The following LDLRAD4 variants were observed in gnomAD, a reference collection of about 807,000 sequenced individuals.
The protein encoded by LDLRAD4 is low density lipoprotein receptor class A domain containing 4.
A neutral mutation model predicts 17.0 loss-of-function variants in LDLRAD4; 5 were observed. The ratio of observed to expected loss-of-function variants is 0.29; its 90% CI spans 0.15 to 0.62. The LOEUF (loss-of-function observed/expected upper bound fraction) is 0.62, where lower values mean the gene tolerates loss of function less well. Among genes scored for constraint, LDLRAD4 ranks in the 20% least tolerant of loss-of-function variants. LDLRAD4 has a pLI of 0.84. For synonymous variants in LDLRAD4, 168 were observed against 171.8 expected (o/e 0.98, Z 0.17); for missense variants, 340 against 424.7 (o/e 0.80, Z 1.75).
intron 2 of LDLRAD4, among the ~76,000 whole-genome samples, chr18:13,430,827 C>T (rs546762954): frequency 1.3e-5 from 2 of 152,222 alleles, no homozygotes; most frequent in Non-Finnish European, 2.9e-5. Context: ...CCAGCCCCCT[C>T]GCTGACGTCA....
chr18:13,395,906 C>T (rs916264386), intron 2 of LDLRAD4, among the ~76,000 whole-genome samples: 4 of 152,244 alleles, frequency 2.6e-5, no homozygotes, highest in South Asian at 2.1e-4. Flanking sequence ...AACTTCAGCC[C>T]TGCCACCTGC....
chr18:13,290,890 A>G (rs1184928456), intron 1 of LDLRAD4, among the ~76,000 whole-genome samples: 1 of 152,226 alleles, frequency 6.6e-6, no homozygotes, highest in Non-Finnish European at 1.5e-5. Flanking sequence ...TTTCAACCCC[A>G]GTGAACAGAC....
chr18:13,421,548 G>A (rs1417830060), intron 2 of LDLRAD4, among the ~76,000 whole-genome samples: 7 of 152,200 alleles, frequency 4.6e-5, no homozygotes, highest in African/African-American at 1.4e-4. Flanking sequence ...GCCCTGCCTG[G>A]GAGTCCTCAG....
At chr18:13,259,439 G>A (rs1172659425) in intron 1 of LDLRAD4, among the ~76,000 whole-genome samples, 5 of 152,268 alleles carry the variant, frequency 3.3e-5, no homozygotes, top group South Asian at 2.1e-4. Context: ...GCCTCTGAAA[G>A]TGCTGGGATT....
intron 4 of LDLRAD4, among the ~76,000 whole-genome samples, chr18:13,624,101 G>A (rs776876875): frequency 2.6e-5 from 4 of 152,252 alleles, no homozygotes; most frequent in South Asian, 4.1e-4. Context: ...AGGCAGTCCC[G>A]CAACAAAGAC....
chr18:13,421,866 C>A (rs888785260), intron 2 of LDLRAD4, among the ~76,000 whole-genome samples: 7 of 152,216 alleles, frequency 4.6e-5, no homozygotes, highest in Admixed American at 1.3e-4. Context: ...GGGCCTGGGG[C>A]TGGGGTGGGC....
At chr18:13,390,768 GCGCCA>G (rs2086214783) in intron 2 of LDLRAD4, among the ~76,000 whole-genome samples, 1 of 152,248 alleles carries the variant, frequency 6.6e-6, no homozygotes, top group South Asian at 2.1e-4. Context: ...ACTGTTGGGT[GCGCCA>G]GCACCTGCAG....
intron 1 of LDLRAD4, among the ~76,000 whole-genome samples, chr18:13,227,911 A>G (rs2145449939): frequency 6.6e-6 from 1 of 152,354 alleles, no homozygotes; most frequent in South Asian, 2.1e-4. Flanking sequence ...GAGTGGGGAC[A>G]CAGAGCCTGA....
chr18:13,550,733 C>T (rs568191664), intron 3 of LDLRAD4, among the ~76,000 whole-genome samples: 1 of 152,320 alleles, frequency 6.6e-6, no homozygotes, highest in South Asian at 2.1e-4. Flanking sequence ...GCCCTCCGGC[C>T]ATCCAGATCT....
At chr18:13,565,771 G>A (rs2094593024) in intron 3 of LDLRAD4, among the ~76,000 whole-genome samples, 3 of 152,256 alleles carry the variant, frequency 2.0e-5, no homozygotes, top group Non-Finnish European at 4.4e-5. Flanking sequence ...GTGTGGAGGG[G>A]AATTGGGATT....
At chr18:13,623,846 C>T (rs1332494891) in intron 4 of LDLRAD4, among the ~76,000 whole-genome samples, 1 of 152,192 alleles carries the variant, frequency 6.6e-6, no homozygotes, top group Non-Finnish European at 1.5e-5. Context: ...AGCCAGGCTT[C>T]CTGCCTCCTA....
rs907066507 is a variant in LDLRAD4 at position 13,398,943 on chromosome 18, G to T, written c.40+11181G>T. Among the ~76,000 whole-genome samples the T allele has an allele frequency of 6.6e-6, 1 of 152,196 alleles. No individual in the cohort carries two copies. The highest frequency in any genetic ancestry group is 2.4e-5 in the African/African-American group (1 of 41,446). ...TGCAGCCACCCAGATCTTCATCTTT[G>T]TAATGATGATCGGGGCTGGGAGCAG... is the stretch of plus-strand genomic sequence containing the variant. On this transcript the variant is annotated intron_variant, in intron 2 of 5. Coordinates refer to ENST00000359446, the Ensembl canonical transcript of LDLRAD4. This position sits in a 1 kb window ranked among gnomAD's most constrained non-coding sequence, Gnocchi z 4.8.
At position 13,521,265 on chromosome 18, in the gene LDLRAD4, T is replaced by G. The variant is rs532821875; in HGVS notation, c.181+82881T>G. On this transcript the variant is annotated intron_variant, in intron 3 of 5. Transcript: ENST00000359446. ...AACACTTGGGAATTGTTCTGTGTCT[T>G]AACCATGAATATTTGTTTGCAAAAT... 4.6e-5 allele frequency: 7 copies of G among 152,276 alleles called. No homozygotes were observed. In the South Asian group the frequency reaches 1.5e-3, roughly 32 times the overall value. 9.4% of individuals were successfully genotyped at this position (152,276 alleles called of 1,614,324 possible). A position where few individuals can be genotyped will look rare whatever the true frequency, so the allele number is the denominator to read the frequency against.
chr18:13,427,001 T>C (rs1239889780), intron 2 of LDLRAD4, among the ~76,000 whole-genome samples: 1 of 151,920 alleles, frequency 6.6e-6, no homozygotes, highest in Non-Finnish European at 1.5e-5. Context: ...CTGGCCAACA[T>C]GGTGAAACCC....
chr18:13,448,483 G>A (rs570334317), intron 3 of LDLRAD4, among the ~76,000 whole-genome samples: 7 of 152,312 alleles, frequency 4.6e-5, no homozygotes, highest in Admixed American at 1.3e-4. Flanking sequence ...GCCTGGCTGC[G>A]CTTGGGTGCC....
exon 6 of LDLRAD4, chr18:13,650,959 A>ACTT (rs1165297600): frequency 1.3e-5 from 2 of 152,276 alleles, no homozygotes; most frequent in Non-Finnish European, 2.9e-5. Flanking sequence ...CTGTGAAAAC[A>ACTT]CTTTAAAGAA....
intron 3 of LDLRAD4, chr18:13,461,223 G>A (rs2092414624): frequency 6.6e-6 from 1 of 152,462 alleles, no homozygotes; most frequent in African/African-American, 2.4e-5. Flanking sequence ...AAGATCGGTA[G>A]GCAGGGGTCT....
At chr18:13,464,225 C>G (rs2092541281) in intron 3 of LDLRAD4, among the ~76,000 whole-genome samples, 1 of 152,256 alleles carries the variant, frequency 6.6e-6, no homozygotes, top group Non-Finnish European at 1.5e-5. Context: ...AACACTCCAT[C>G]TATCTGTTTG....
chr18:13,557,668 G>A (rs904186275), intron 3 of LDLRAD4, among the ~76,000 whole-genome samples: 1 of 152,234 alleles, frequency 6.6e-6, no homozygotes, highest in African/African-American at 2.4e-5. Context: ...CCAAAGTACT[G>A]TGATTACAGG....
Sources: allele counts gnomAD v4.1 joint callset (sites outside exome capture counted in the v4.1 genomes callset), GRCh38; gene constraint gnomAD v4.1.1; non-coding constraint Gnocchi (gnomAD v3.1); transcripts MANE v1.5; gene names NCBI Gene and HGNC (gene_info 2026-07-23, HGNC 2026-07-21).